The following BCHE variants were observed in gnomAD, a reference collection of about 807,000 sequenced individuals.
The protein encoded by BCHE is cholinesterase.
A neutral mutation model predicts 51.3 loss-of-function variants in BCHE; 48 were observed. The observed-to-expected ratio is 0.94, with a 90% CI of 0.74 to 1.19. The LOEUF (loss-of-function observed/expected upper bound fraction) is 1.19. BCHE is among the 50% of genes most tolerant of loss of function. The pLI, the probability that BCHE is intolerant of heterozygous loss-of-function variation, is 0.00. For synonymous variants in BCHE, 251 were observed against 238.0 expected, an observed-to-expected ratio of 1.05 and a Z score of -0.50; for missense variants, 847 against 708.2, an observed-to-expected ratio of 1.20 and a Z score of -2.23.
Position 165,782,998 on chromosome 3 carries a change from C to T in BCHE, c.1684+3147G>A, listed in dbSNP as rs1295742435. ...CATATGAATTTTAGGGGGACACAAA[C>T]ATTCAGACCCTAGCAGAAGAGAATG... is the stretch of plus-strand genomic sequence containing the variant. On this transcript the variant is annotated intron_variant, in intron 3 of 3. Coordinates refer to ENST00000264381, the MANE Select transcript of BCHE (RefSeq NM_000055.4). Among the ~76,000 whole-genome samples, 10 of 152,176 alleles carry T rather than the reference C, an allele frequency of 6.6e-5. No homozygotes were observed. In the East Asian group the frequency reaches 1.5e-3, roughly 24 times the overall value.
chr3:165,814,842 G>A (rs189686497), intron 2 of BCHE, among the ~76,000 whole-genome samples: 263 of 151,382 alleles, frequency 1.7e-3, no homozygotes, highest in African/African-American at 6.2e-3. Flanking sequence ...TACAAATAAT[G>A]TTTAGTATAA....
At chr3:165,801,737 G>A (rs769381765) in intron 2 of BCHE, among the ~76,000 whole-genome samples, 1 of 152,128 alleles carries the variant, frequency 6.6e-6, no homozygotes, top group Non-Finnish European at 1.5e-5. Context: ...CTTAAAGGTT[G>A]TAAAAAGTAA....
chr3:165,819,721 T>C (rs1293551439), intron 2 of BCHE, among the ~76,000 whole-genome samples: 1 of 124,854 alleles, frequency 8.0e-6, no homozygotes, highest in East Asian at 2.5e-4. Flanking sequence ...GTGTTTCTGT[T>C]CTTATGTTTT....
At chr3:165,821,974 T>C (rs1012842168) in intron 2 of BCHE, among the ~76,000 whole-genome samples, 3 of 151,928 alleles carry the variant, frequency 2.0e-5, no homozygotes, top group Non-Finnish European at 4.4e-5. Flanking sequence ...CATTCTGTGA[T>C]AAATTTCCTT....
At chr3:165,798,809 T>A (rs1250305109) in intron 2 of BCHE, among the ~76,000 whole-genome samples, 1 of 110,716 alleles carries the variant, frequency 9.0e-6, no homozygotes, top group Non-Finnish European at 2.0e-5. Flanking sequence ...GGCAACATAG[T>A]GAGCTCCCCA....
chr3:165,830,187 C>G lies in BCHE; in HGVS notation c.847G>C (p.Glu283Gln). 6.2e-7 allele frequency: 1 copy of G among 1,613,956 alleles called. No individual in the cohort carries two copies. The highest frequency in any genetic ancestry group is 8.5e-7 in the Non-Finnish European group (1 of 1,179,900). Residue 283 changes from glutamate (E) to glutamine (Q), a missense_variant, in exon 2 of 4, where the codon GAG becomes CAG. Coordinates refer to ENST00000264381, the MANE Select transcript of BCHE (RefSeq NM_000055.4). ...CACTTGATTATTTCAGTCTCATTCT[C>G]TCTAGAGCAACCAGTCAATTTAGCT... is the stretch of plus-strand genomic sequence containing the variant. Reference protein sequence around the residue: ...NLAKLTGCSRENETEIIKCLR... With the variant: ...NLAKLTGCSRQNETEIIKCLR...
At chr3:165,785,887 T>C (rs995140891) in intron 3 of BCHE, among the ~76,000 whole-genome samples, 1 of 151,822 alleles carries the variant, frequency 6.6e-6, no homozygotes, top group Non-Finnish European at 1.5e-5. Context: ...TTTTTCTATT[T>C]TATATTTCCA....
intron 3 of BCHE, chr3:165,778,325 T>G (rs1712550643): frequency 6.5e-6 from 1 of 153,978 alleles, no homozygotes; most frequent in Non-Finnish European, 1.4e-5. Context: ...AGACCCTACC[T>G]CAGAAATGAA....
intron 2 of BCHE, among the ~76,000 whole-genome samples, chr3:165,808,514 A>G (rs1340475830): frequency 1.3e-5 from 2 of 152,142 alleles, no homozygotes; most frequent in East Asian, 1.9e-4. Flanking sequence ...ACTTTTATGA[A>G]CAAATGCTAC....
chr3:165,782,940 C>T (rs2108199914), intron 3 of BCHE, among the ~76,000 whole-genome samples: 1 of 152,122 alleles, frequency 6.6e-6, no homozygotes, highest in East Asian at 1.9e-4. Flanking sequence ...GATTCACCTT[C>T]TAATACCAGC....
At chr3:165,806,846 T>G (rs1003316290) in intron 2 of BCHE, among the ~76,000 whole-genome samples, 2 of 152,064 alleles carry the variant, frequency 1.3e-5, no homozygotes, top group African/African-American at 4.8e-5. Flanking sequence ...CAGTATTGAA[T>G]GATTATGCAA....
chr3:165,824,036 C>A (rs1281138546), intron 2 of BCHE, among the ~76,000 whole-genome samples: 1 of 151,602 alleles, frequency 6.6e-6, no homozygotes, highest in Non-Finnish European at 1.5e-5. Flanking sequence ...CTTGGCTTCC[C>A]AAAGTGGTGG....
At chr3:165,818,277 A>G (rs1714381115) in intron 2 of BCHE, among the ~76,000 whole-genome samples, 1 of 151,984 alleles carries the variant, frequency 6.6e-6, no homozygotes, top group South Asian at 2.1e-4. Flanking sequence ...ATAAAATGTC[A>G]TTTTGGATAA....
intron 2 of BCHE, 130 bp from the exon 3 acceptor site, chr3:165,786,441 T>C: frequency 5.9e-6 from 5 of 843,094 alleles, no homozygotes; most frequent in Non-Finnish European, 9.1e-6. Context: ...TATATATTGA[T>C]GATATGAAAC....
intron 2 of BCHE, among the ~76,000 whole-genome samples, chr3:165,806,128 C>T (rs1180045461): frequency 2.6e-5 from 4 of 152,044 alleles, no homozygotes; most frequent in Non-Finnish European, 5.9e-5. Flanking sequence ...ATAGCATTCT[C>T]CCCTCACATT....
Position 165,819,849 on chromosome 3 carries a change from T to C in BCHE, c.1517+9668A>G, listed in dbSNP as rs149416215. 2.2e-3 allele frequency among the ~76,000 whole-genome samples: 340 copies of C among 152,290 alleles called. 2 individuals are homozygous for C. Among genetic ancestry groups the C allele is most frequent in the African/African-American group, 7.9e-3 (330 of 41,584 alleles). Reference sequence around the variant, plus strand: ...TTTACTATGTTTTGTTACTTTGCAATATTTAAGCTATTATTTCTGACAGGT... The same window carrying C: ...TTTACTATGTTTTGTTACTTTGCAACATTTAAGCTATTATTTCTGACAGGT... On this transcript the variant is annotated intron_variant, in intron 2 of 3. Transcript: ENST00000264381.
intron 2 of BCHE, among the ~76,000 whole-genome samples, chr3:165,794,075 C>A (rs534720759): frequency 6.6e-6 from 1 of 151,658 alleles, no homozygotes; most frequent in South Asian, 2.1e-4. Context: ...ACACAGATTT[C>A]TTAAATTAAA....
chr3:165,834,821 G>C (rs1715132865), intron 1 of BCHE, among the ~76,000 whole-genome samples: 1 of 151,350 alleles, frequency 6.6e-6, no homozygotes, highest in Non-Finnish European at 1.5e-5. Flanking sequence ...AAGTTTTAGG[G>C]TACATGTGCA....
rs780873168 is a variant in BCHE at position 165,830,071 on chromosome 3, G to C, written c.963C>G (p.Thr321=). The change falls in exon 2 of 4, where the codon ACC becomes ACG. Residue 321 remains threonine, a synonymous_variant. Transcript: ENST00000264381. The part of the protein sequence containing the change: ...GTPLSVNFGP[T]VDGDFLTDMP... ...TGTCAGTGAGAAAATCACCATCCAC[G>C]GTCGGACCAAAGTTTACTGACAAAG... is the stretch of plus-strand genomic sequence containing the variant. 1 of 1,613,546 alleles carries C rather than the reference G, an allele frequency of 6.2e-7. No homozygotes were observed. Among genetic ancestry groups the C allele is most frequent in the Non-Finnish European group, 8.5e-7 (1 of 1,179,812 alleles).
Sources: allele counts gnomAD v4.1 joint callset (sites outside exome capture counted in the v4.1 genomes callset), GRCh38; gene constraint gnomAD v4.1.1; transcripts MANE v1.5; gene names NCBI Gene and HGNC (gene_info 2026-07-23, HGNC 2026-07-21).